The following SNX13 variants were observed in gnomAD, a reference collection of about 807,000 sequenced individuals.
SNX13 encodes the protein sorting nexin-13.
A neutral mutation model predicts 133.6 loss-of-function variants in SNX13; 45 were observed. That is an observed-to-expected ratio of 0.34 (90% CI 0.27 to 0.43). The LOEUF is 0.43. SNX13 is among the 20% of genes least tolerant of loss of function. The pLI is 1.00. For missense variants in SNX13, 1,032 were observed against 1,145.1 expected (o/e 0.90, Z 1.43); for synonymous variants, 414 against 373.9 (o/e 1.11, Z -1.24).
chr7:17,861,342 TCACACACACACACACACACA>T (rs59119505), intron 9 of SNX13, among the ~76,000 whole-genome samples: 3 of 143,120 alleles, frequency 2.1e-5, no homozygotes, highest in Admixed American at 7.0e-5. Context: ...TACAGTTATC[TCACACACACACACACACACA>T]CACACACACA....
At chr7:17,812,195 A>G (rs1244418648) in intron 20 of SNX13, among the ~76,000 whole-genome samples, 1 of 152,180 alleles carries the variant, frequency 6.6e-6, no homozygotes, top group Non-Finnish European at 1.5e-5. Context: ...AGAAACTACC[A>G]TCAGCATAAA....
At position 17,834,746 on chromosome 7, in the gene SNX13, T is replaced by C. The variant is rs1195468256; in HGVS notation, c.1464+15A>G. ...TCAAAAAAGATAAAATGATAAATGC[T>C]GTACATAATAATACCTTTCTTTGAA... On this transcript the variant is annotated intron_variant, in intron 14 of 25. Transcript: ENST00000428135. 3.4e-6 allele frequency: 5 copies of C among 1,481,170 alleles called. No individual in the cohort carries two copies. The highest frequency in any genetic ancestry group is 2.8e-5 in the African/African-American group (2 of 71,520). The allele number at this position is 1,481,170 out of a possible 1,614,324, so 91.8% of individuals were successfully genotyped here.
chr7:17,937,770 T>C (rs901347267), intron 1 of SNX13, among the ~76,000 whole-genome samples: 7 of 152,216 alleles, frequency 4.6e-5, no homozygotes, highest in East Asian at 1.9e-4. Flanking sequence ...CCATTCTTTA[T>C]ACAACTCTAA....
chr7:17,830,161 TAAAAA>T (rs367739163), intron 15 of SNX13, 114 bp from the exon 16 acceptor site: 153 of 475,232 alleles, frequency 3.2e-4, no homozygotes, highest in East Asian at 1.2e-3. Flanking sequence ...AACATAATAG[TAAAAA>T]AAAAAAAAAA....
chr7:17,940,322 TC>T lies in SNX13; in HGVS notation c.-28del, dbSNP rs1251909853. On this transcript the variant is annotated 5_prime_UTR_variant, in exon 1 of 26. Transcript: ENST00000428135. ...ATTACACCCCGGGGAAGTGAGGTCC[TC>T]CCTAGCCTCGCCTCATGGCAACAGC... is the stretch of plus-strand genomic sequence containing the variant. The T allele has an allele frequency of 6.4e-6, 10 of 1,563,044 alleles. No individual in the cohort carries two copies. Among genetic ancestry groups the T allele is most frequent in the Non-Finnish European group, 8.7e-6 (10 of 1,153,774 alleles).
chr7:17,893,286 G>T, intron 3 of SNX13, 46 bp downstream of exon 3: 2 of 1,292,204 alleles, frequency 1.5e-6, no homozygotes, highest in Non-Finnish European at 2.2e-6. Context: ...TATTATCATT[G>T]CAAAGAACTG....
intron 19 of SNX13, among the ~76,000 whole-genome samples, chr7:17,815,819 T>A (rs1786592172): frequency 6.6e-6 from 1 of 152,090 alleles, no homozygotes; most frequent in South Asian, 2.1e-4. Context: ...GATAAAAGAT[T>A]TGGGAAAAGG....
At chr7:17,856,319 T>G (rs1791878442) in intron 9 of SNX13, among the ~76,000 whole-genome samples, 1 of 152,190 alleles carries the variant, frequency 6.6e-6, no homozygotes, top group South Asian at 2.1e-4. Context: ...AAACCTGTAA[T>G]AGTTAAACTA....
Position 17,796,944 on chromosome 7 carries a change from T to G in SNX13, c.2514-5A>C, listed in dbSNP as rs1346404963. 5 of 1,573,302 alleles carry G rather than the reference T, an allele frequency of 3.2e-6. No individual in the cohort carries two copies. The highest frequency in any genetic ancestry group is 4.4e-6 in the Non-Finnish European group (5 of 1,145,108). ...CCATTTGGCCAAAATGCATCTCTATTTGAGAAGATTAAATACATTTTGTAA... is the reference window on the plus strand; with the variant it reads ...CCATTTGGCCAAAATGCATCTCTATGTGAGAAGATTAAATACATTTTGTAA... On this transcript the variant is annotated splice_polypyrimidine_tract_variant and splice_region_variant and intron_variant, in intron 24 of 25. Coordinates refer to ENST00000428135, the MANE Select transcript of SNX13 (RefSeq NM_015132.5).
intron 20 of SNX13, among the ~76,000 whole-genome samples, chr7:17,813,405 C>A (rs1786282708): frequency 1.3e-5 from 2 of 152,042 alleles, no homozygotes; most frequent in Non-Finnish European, 2.9e-5. Context: ...TATATTTTTC[C>A]CCTCCATTGT....
intron 11 of SNX13, among the ~76,000 whole-genome samples, chr7:17,847,511 A>G (rs1202317992): frequency 6.6e-6 from 1 of 152,140 alleles, no homozygotes; most frequent in East Asian, 1.9e-4. Context: ...TAATTCTTCT[A>G]TTCCTTAAGG....
intron 20 of SNX13, among the ~76,000 whole-genome samples, chr7:17,805,261 GCGCGC>G (rs1164530738): frequency 1.3e-5 from 2 of 148,228 alleles, no homozygotes; most frequent in African/African-American, 5.0e-5. Context: ...GCGTGCGCGC[GCGCGC>G]ATGCATGCAC....
chr7:17,821,248 C>G (rs1010228774), intron 18 of SNX13, among the ~76,000 whole-genome samples: 6 of 152,102 alleles, frequency 3.9e-5, no homozygotes, highest in African/African-American at 1.4e-4. Flanking sequence ...ATTTTAAAAT[C>G]AGAAACATGT....
chr7:17,811,034 C>T (rs1785941213), intron 20 of SNX13, among the ~76,000 whole-genome samples: 1 of 152,148 alleles, frequency 6.6e-6, no homozygotes, highest in African/African-American at 2.4e-5. Context: ...ATGACAAAAA[C>T]ACAGCCAATA....
intron 12 of SNX13, 109 bp downstream of exon 12, chr7:17,845,486 C>T: frequency 1.5e-6 from 1 of 680,808 alleles, no homozygotes; most frequent in Non-Finnish European, 2.5e-6. Flanking sequence ...TATCACTGAA[C>T]TATACACTTA....
At chr7:17,846,852 C>T (rs766366838) in intron 11 of SNX13, among the ~76,000 whole-genome samples, 1 of 152,032 alleles carries the variant, frequency 6.6e-6, no homozygotes, top group African/African-American at 2.4e-5. Context: ...TCCACAGATA[C>T]AGGATGGAAG....
chr7:17,803,734 G>A (rs990083223), intron 20 of SNX13, among the ~76,000 whole-genome samples, 154 bp from the exon 21 acceptor site: 19 of 152,032 alleles, frequency 1.2e-4, no homozygotes, highest in Admixed American at 6.6e-4. Context: ...CAGAAATGTT[G>A]TCTTCAGTGT....
chr7:17,791,869 C>G lies in SNX13; in HGVS notation c.*2176G>C, dbSNP rs1202124507. The stretch of plus-strand genomic sequence containing the variant: ...AGATGTGCATAGAGAAGGTGCACCA[C>G]CATTTACAAAGACTATCATTTGACA... On this transcript the variant is annotated 3_prime_UTR_variant, in exon 26 of 26. Coordinates refer to ENST00000428135, the MANE Select transcript of SNX13 (RefSeq NM_015132.5). The G allele has an allele frequency of 6.6e-6, 1 of 151,958 alleles. No homozygotes were observed. Among genetic ancestry groups the G allele is most frequent in the Non-Finnish European group, 1.5e-5 (1 of 67,922 alleles). The allele number at this position is 151,958 out of a possible 1,614,324, so 9.4% of individuals were successfully genotyped here.
At chr7:17,903,729 C>T (rs1428762409) in intron 1 of SNX13, among the ~76,000 whole-genome samples, 1 of 152,126 alleles carries the variant, frequency 6.6e-6, no homozygotes, top group Non-Finnish European at 1.5e-5. Flanking sequence ...TAAAATTTGT[C>T]AGCTGACAAT....
Sources: allele counts gnomAD v4.1 joint callset (sites outside exome capture counted in the v4.1 genomes callset), GRCh38; gene constraint gnomAD v4.1.1; transcripts MANE v1.5; gene names NCBI Gene and HGNC (gene_info 2026-07-23, HGNC 2026-07-21).